TASP1: variants seen among roughly 807,000 people sequenced by gnomAD.
TASP1 encodes taspase 1.
A neutral mutation model predicts 56.6 loss-of-function variants in TASP1; 16 were observed. The observed-to-expected ratio is 0.28, with a 90% CI of 0.19 to 0.43. TASP1 has a LOEUF of 0.43. Ranked by LOEUF, TASP1 falls within the 20% of genes least tolerant of loss-of-function variation. The pLI, the probability that TASP1 is intolerant of heterozygous loss-of-function variation, is 1.00. For synonymous variants in TASP1, 179 were observed against 184.2 expected (o/e 0.97, Z 0.23); for missense variants, 393 against 511.6 (o/e 0.77, Z 2.24).
At chr20:13,179,067 A>T in the TASP1 span, among the ~76,000 whole-genome samples, 1 of 152,168 alleles carries the variant, frequency 6.6e-6, no homozygotes, top group Non-Finnish European at 1.5e-5. Flanking sequence ...CAACTAAAAA[A>T]ATAAAATTAA....
At chr20:13,623,666 A>G in intron 3 of TASP1, 152 bp from the exon 4 acceptor site, 1 of 547,604 alleles carries the variant, frequency 1.8e-6, no homozygotes. Context: ...CAGATTAAAA[A>G]CAAGCAAGTG....
the TASP1 span, among the ~76,000 whole-genome samples, chr20:13,141,566 A>T: frequency 3.3e-5 from 5 of 152,320 alleles, no homozygotes; most frequent in South Asian, 1.0e-3. Context: ...AACAAGAGGC[A>T]TCTACAAAAA....
chr20:13,252,638 C>G, the TASP1 span, among the ~76,000 whole-genome samples: 1 of 152,028 alleles, frequency 6.6e-6, no homozygotes, highest in East Asian at 1.9e-4. Context: ...ACCTGTAGTC[C>G]CAGATACTCA....
the TASP1 span, among the ~76,000 whole-genome samples, chr20:13,372,953 C>T: frequency 2.6e-5 from 4 of 152,100 alleles, no homozygotes; most frequent in Middle Eastern, 3.4e-3. Context: ...CATTGTCACA[C>T]ATATTACATC....
chr20:13,569,636 C>A (rs924035647), intron 6 of TASP1, 50 bp from the exon 7 acceptor site: 1 of 1,471,704 alleles, frequency 6.8e-7, no homozygotes, highest in Middle Eastern at 2.1e-4. Context: ...TCTTCTCCTA[C>A]ATATTCAATA....
At chr20:13,384,703 T>G (rs1252166146), downstream of TASP1, among the ~76,000 whole-genome samples, 2 of 152,242 alleles carry the variant, frequency 1.3e-5, no homozygotes, top group African/African-American at 4.8e-5. Flanking sequence ...ACTCCCCCTA[T>G]AGCCCACTAC....
At chr20:13,391,694 G>A (rs111425733) in intron 13 of TASP1, among the ~76,000 whole-genome samples, 10 of 152,252 alleles carry the variant, frequency 6.6e-5, no homozygotes, top group South Asian at 6.2e-4. Context: ...TAGGCCGGGC[G>A]TGGTGGCTCA....
At chr20:13,580,199 C>T (rs982952326) in intron 6 of TASP1, among the ~76,000 whole-genome samples, 1 of 152,218 alleles carries the variant, frequency 6.6e-6, no homozygotes, top group African/African-American at 2.4e-5. Context: ...TTAATCCCAG[C>T]TCTCTGGGAG....
At chr20:13,318,934 T>A in the TASP1 span, among the ~76,000 whole-genome samples, 1 of 152,200 alleles carries the variant, frequency 6.6e-6, no homozygotes, top group East Asian at 1.9e-4. Flanking sequence ...ATGCTATGTG[T>A]TACTATAATG....
the TASP1 span, among the ~76,000 whole-genome samples, chr20:13,314,745 T>C: frequency 6.6e-6 from 1 of 152,116 alleles, no homozygotes; most frequent in East Asian, 1.9e-4. Context: ...TTTTTCTCTT[T>C]CTTGATTGAT....
At chr20:13,252,414 G>A in the TASP1 span, among the ~76,000 whole-genome samples, 4 of 152,154 alleles carry the variant, frequency 2.6e-5, no homozygotes, top group Admixed American at 6.5e-5. Flanking sequence ...TGGGTTCATC[G>A]TGGGGAGGCT....
chr20:13,279,266 G>A, the TASP1 span, among the ~76,000 whole-genome samples: 1 of 152,200 alleles, frequency 6.6e-6, no homozygotes, highest in Non-Finnish European at 1.5e-5. Flanking sequence ...TTTACTTCCT[G>A]AGTGAAAGGC....
chr20:13,590,837 T>G (rs1024791710), intron 4 of TASP1, among the ~76,000 whole-genome samples: 4 of 151,674 alleles, frequency 2.6e-5, no homozygotes, highest in East Asian at 1.9e-4. Flanking sequence ...CTGCACTCCA[T>G]CCTGGGTGAC....
At chr20:13,390,543 A>G in intron 13 of TASP1, 91 bp from the exon 14 acceptor site, 2 of 1,109,768 alleles carry the variant, frequency 1.8e-6, no homozygotes, top group East Asian at 5.1e-5. Context: ...TGGAGGAAAC[A>G]CCAGAGCATT....
the TASP1 span, among the ~76,000 whole-genome samples, chr20:13,204,756 A>G: frequency 6.6e-6 from 1 of 152,102 alleles, no homozygotes; most frequent in Non-Finnish European, 1.5e-5. Context: ...GTAACTGCCA[A>G]TTTTAAAGGT....
At chr20:13,476,765 G>A (rs1179939676) in intron 11 of TASP1, among the ~76,000 whole-genome samples, 2 of 151,954 alleles carry the variant, frequency 1.3e-5, no homozygotes, top group East Asian at 1.9e-4. Flanking sequence ...AAAGAGATAC[G>A]CTTAATTTAT....
At chr20:13,143,762 C>T in the TASP1 span, among the ~76,000 whole-genome samples, 8 of 152,200 alleles carry the variant, frequency 5.3e-5, no homozygotes, top group African/African-American at 1.2e-4. Context: ...TTCATTTGCA[C>T]GGTTTCTCAG....
chr20:13,154,201 G>T, the TASP1 span: 1 of 1,596,220 alleles, frequency 6.3e-7, no homozygotes, highest in Non-Finnish European at 8.5e-7. Context: ...ATGGCTTTTT[G>T]GCACAGGCGT....
At chr20:13,163,367 C>CAAAA in the TASP1 span, among the ~76,000 whole-genome samples, 9 of 90,064 alleles carry the variant, frequency 1.0e-4, no homozygotes, top group African/African-American at 1.3e-4. Flanking sequence ...GACGCTGTCT[C>CAAAA]AAAAAAAAAA....
Sources: gnomAD v4.1 joint callset for allele counts (sites outside exome capture counted in the v4.1 genomes callset) on GRCh38, gnomAD v4.1.1 for gene constraint, MANE v1.5 for transcripts, NCBI Gene and HGNC (gene_info 2026-07-23, HGNC 2026-07-21) for gene names.